The following OLFML2B variants were observed in gnomAD, a reference collection of about 807,000 sequenced individuals.
OLFML2B encodes olfactomedin-like protein 2B.
OLFML2B carries 57 observed loss-of-function variants against 74.9 expected under a neutral mutation model. That is an observed-to-expected ratio of 0.76 (90% CI 0.61 to 0.95). The LOEUF (loss-of-function observed/expected upper bound fraction) is 0.95. OLFML2B is among the 40% of genes least tolerant of loss of function. The pLI, the probability that OLFML2B is intolerant of heterozygous loss-of-function variation, is 0.00. For missense variants in OLFML2B, 986 were observed against 970.6 expected (o/e 1.02, Z -0.21); for synonymous variants, 388 against 405.8 (o/e 0.96, Z 0.53).
At chr1:161,988,492 CTTA>C (rs1377088374) in intron 6 of OLFML2B, among the ~76,000 whole-genome samples, 2 of 152,070 alleles carry the variant, frequency 1.3e-5, no homozygotes, top group African/African-American at 4.8e-5. Context: ...CTCCAGTCCT[CTTA>C]TTCTAGTCAA....
In OLFML2B at chr1:162,020,165, G is replaced by C; in HGVS notation, c.192C>G (p.Asp64Glu). The C allele has an allele frequency of 1.2e-6, 2 of 1,614,100 alleles. No individual in the cohort carries two copies. The highest frequency in any genetic ancestry group is 1.7e-6 in the Non-Finnish European group (2 of 1,179,956). ...AGCCCTCAGACATAGCCTTGACCTT[G>C]TCATAGTCCCCCAGCAACTAGACAC... ...NVLSQLLGDY[D>E]KVKAMSEGSD... Residue 64 changes from aspartate (D) to glutamate (E), a missense_variant, in exon 2 of 8, where the codon GAC becomes GAG. Asp to Glu is a conservative substitution (Grantham distance 45). Coordinates refer to ENST00000294794, the MANE Select transcript of OLFML2B (RefSeq NM_015441.3).
At position 162,019,901 on chromosome 1, in the gene OLFML2B, C is replaced by A; in HGVS notation, c.438+18G>T. The stretch of plus-strand genomic sequence containing the variant: ...AAGTGCCCTCTCGTCCAAGGCATTG[C>A]CCCATACCAGGTCCTACCTTCAAGT... On this transcript the variant is annotated intron_variant, in intron 2 of 7. Coordinates refer to ENST00000294794, the MANE Select transcript of OLFML2B (RefSeq NM_015441.3). 6.2e-7 allele frequency: 1 copy of A among 1,612,838 alleles called. No individual in the cohort carries two copies. The highest frequency in any genetic ancestry group is 1.1e-5 in the South Asian group (1 of 90,844).
Position 162,015,318 on chromosome 1 carries a change from G to A in OLFML2B, c.546+2082C>T, listed in dbSNP as rs148319292. Among the ~76,000 whole-genome samples, 57 of 152,300 alleles carry A rather than the reference G, an allele frequency of 3.7e-4. No individual in the cohort carries two copies. In the East Asian group the frequency reaches 0.01, roughly 28 times the overall value. On this transcript the variant is annotated intron_variant, in intron 3 of 7. Coordinates refer to ENST00000294794, the MANE Select transcript of OLFML2B (RefSeq NM_015441.3). Reference sequence around the variant, plus strand: ...TCACCCATACTCCCTCCTGAGCAGGGAGGGCTCAGCTGCTAGACAAGGCTG... The same window carrying A: ...TCACCCATACTCCCTCCTGAGCAGGAAGGGCTCAGCTGCTAGACAAGGCTG...
At chr1:161,986,983 G>C (rs954898511) in intron 6 of OLFML2B, among the ~76,000 whole-genome samples, 1 of 152,222 alleles carries the variant, frequency 6.6e-6, no homozygotes, top group African/African-American at 2.4e-5. Flanking sequence ...CGTCTGTGCA[G>C]CTCCAGCAGC....
chr1:162,020,565 T>A (rs1690675692), intron 1 of OLFML2B, among the ~76,000 whole-genome samples: 1 of 152,004 alleles, frequency 6.6e-6, no homozygotes, highest in Non-Finnish European at 1.5e-5. Context: ...CTCACTCTGT[T>A]GCCCAGACTG....
intron 3 of OLFML2B, 51 bp from the exon 4 acceptor site, chr1:162,006,524 A>G: frequency 7.0e-7 from 1 of 1,426,634 alleles, no homozygotes; most frequent in Non-Finnish European, 9.5e-7. Flanking sequence ...GAAGACAAGC[A>G]GGAGGCAGCT....
chr1:161,988,136 C>A (rs1433020311), intron 6 of OLFML2B, among the ~76,000 whole-genome samples: 7 of 152,102 alleles, frequency 4.6e-5, no homozygotes, highest in African/African-American at 1.7e-4. Flanking sequence ...TTAGGTTTTC[C>A]CAGAGCAGGG....
In OLFML2B at chr1:162,000,290, A is replaced by G. The variant is rs779155971; in HGVS notation, c.772T>C (p.Ser258Pro). The G allele has an allele frequency of 6.8e-6, 11 of 1,613,010 alleles. No individual in the cohort carries two copies. The African/African-American group carries it at 9.4e-5, about 14-fold the overall frequency. ...GGTCGCGTCTGCAGAAGTTCGATGG[A>G]GTTGATCTGCTGGGACACGGTTTCT... ...QEETVSQQINSIELLQTRPLA... is the reference protein window; with the variant it reads ...QEETVSQQINPIELLQTRPLA... The change falls in exon 5 of 8, where the codon TCC becomes CCC. Residue 258 changes from serine (S) to proline (P), a missense_variant. Coordinates refer to ENST00000294794, the MANE Select transcript of OLFML2B (RefSeq NM_015441.3).
chr1:162,010,806 C>T (rs536103598), intron 3 of OLFML2B, among the ~76,000 whole-genome samples: 6 of 152,120 alleles, frequency 3.9e-5, no homozygotes, highest in Admixed American at 2.0e-4. Flanking sequence ...TCATGGCCTA[C>T]TTATATAACC....
At chr1:162,012,383 C>G (rs1032715003) in intron 3 of OLFML2B, among the ~76,000 whole-genome samples, 2 of 152,192 alleles carry the variant, frequency 1.3e-5, no homozygotes, top group African/African-American at 4.8e-5. Flanking sequence ...TTTGATCATG[C>G]CTTTCAGTCC....
intron 3 of OLFML2B, among the ~76,000 whole-genome samples, chr1:162,011,259 G>A (rs1335070549): frequency 3.9e-5 from 6 of 152,196 alleles, no homozygotes; most frequent in Non-Finnish European, 8.8e-5. Flanking sequence ...CAGATAGCTG[G>A]ATGCGCACAG....
intron 4 of OLFML2B, among the ~76,000 whole-genome samples, chr1:162,001,208 C>T (rs1690071986): frequency 2.0e-5 from 3 of 152,202 alleles, no homozygotes; most frequent in Admixed American, 2.0e-4. Context: ...CAATCTTCCC[C>T]AAGCCTCATT....
intron 4 of OLFML2B, among the ~76,000 whole-genome samples, chr1:162,000,793 C>A (rs996383558): frequency 6.6e-6 from 1 of 152,136 alleles, no homozygotes; most frequent in East Asian, 1.9e-4. Context: ...GATGCCTGGG[C>A]TGGGACATGA....
In OLFML2B at chr1:161,995,666, C is replaced by T. The variant is rs149999098; in HGVS notation, c.1474+2159G>A. ...AACTCACTCCTGGCTAGCAAGTCAC[C>T]GACGGAAGAGGCTCCCAGGCTGGCA... is the stretch of plus-strand genomic sequence containing the variant. On this transcript the variant is annotated intron_variant, in intron 6 of 7. Transcript: ENST00000294794. Among the ~76,000 whole-genome samples, 658 of 152,252 alleles carry T rather than the reference C, an allele frequency of 4.3e-3. 7 individuals are homozygous for T. The highest frequency in any genetic ancestry group is 0.02 in the South Asian group (94 of 4,808).
rs1413878605 is a variant in OLFML2B, at chr1:162,000,255, C to G, written c.807G>C (p.Leu269=). 6.2e-7 allele frequency: 1 copy of G among 1,613,716 alleles called. No homozygotes were observed. Among genetic ancestry groups the G allele is most frequent in the African/African-American group, 1.3e-5 (1 of 74,932 alleles). Residue 269 remains leucine (L), a synonymous_variant, in exon 5 of 8, where the codon CTG becomes CTC. Coordinates refer to ENST00000294794, the MANE Select transcript of OLFML2B (RefSeq NM_015441.3). ...IELLQTRPLA[L]PEVVKSQRPL... Reference sequence around the variant, plus strand: ...GCCGCTGTGACTTCACCACCTCAGGCAGAGCCAGGGGTCGCGTCTGCAGAA... The same window carrying G: ...GCCGCTGTGACTTCACCACCTCAGGGAGAGCCAGGGGTCGCGTCTGCAGAA...
intron 6 of OLFML2B, among the ~76,000 whole-genome samples, chr1:161,996,676 C>T (rs1689913061): frequency 6.6e-6 from 1 of 152,200 alleles, no homozygotes; most frequent in African/African-American, 2.4e-5. Flanking sequence ...TTGGAAAAGA[C>T]ATTTGTAACT....
chr1:162,013,870 AAAGTT>A (rs1329049251), intron 3 of OLFML2B, among the ~76,000 whole-genome samples: 1 of 149,908 alleles, frequency 6.7e-6, no homozygotes, highest in African/African-American at 2.5e-5. Flanking sequence ...TTAAAAATAT[AAAGTT>A]GAGTGAAAAA....
intron 3 of OLFML2B, among the ~76,000 whole-genome samples, chr1:162,012,242 G>A (rs1690412498): frequency 6.6e-6 from 1 of 152,100 alleles, no homozygotes; most frequent in Admixed American, 6.6e-5. Flanking sequence ...CGACAGGGGT[G>A]GAGGGTGGAA....
At chr1:162,022,408 G>A (rs144182333) in intron 1 of OLFML2B, among the ~76,000 whole-genome samples, 2 of 151,908 alleles carry the variant, frequency 1.3e-5, no homozygotes, top group East Asian at 1.9e-4. Flanking sequence ...CTGCCACCAC[G>A]CCTGGCTAAT....
Sources: gnomAD v4.1 joint callset for allele counts (sites outside exome capture counted in the v4.1 genomes callset) on GRCh38, gnomAD v4.1.1 for gene constraint, MANE v1.5 for transcripts, NCBI Gene and HGNC (gene_info 2026-07-23, HGNC 2026-07-21) for gene names.